Variants in SCARF2 observed in about 807,000 individuals in gnomAD.
SCARF2 encodes the protein scavenger receptor expressed by endothelial cells 2 protein.
A neutral mutation model predicts 73.4 loss-of-function variants in SCARF2; 39 were observed. The observed-to-expected ratio is 0.53, with a 90% confidence interval of 0.41 to 0.69. SCARF2 has a LOEUF of 0.69. SCARF2 is among the 30% of genes least tolerant of loss of function. The pLI, the probability that SCARF2 is intolerant of heterozygous loss-of-function variation, is 0.00. For synonymous variants in SCARF2, 605 were observed against 590.0 expected (o/e 1.03, Z -0.37); for missense variants, 1,148 against 1,303.5 (o/e 0.88, Z 1.84).
At chr22:20,432,923 G>A (rs1373942461) in intron 1 of SCARF2, among the ~76,000 whole-genome samples, 2 of 152,162 alleles carry the variant, frequency 1.3e-5, no homozygotes, top group Non-Finnish European at 2.9e-5. Context: ...TCGCCATGTT[G>A]GCCAGGCTGG....
Position 20,425,436 on chromosome 22 carries a change from G to C in SCARF2, c.2540C>G (p.Pro847Arg). The part of the protein sequence containing the change: ...PRKKTPIQKP[P>R]RKKSREAAGE... ...CGCCGCCTCCCGGCTCTTCTTGCGC[G>C]GCGGCTTCTGGATGGGGGTCTTCTT... The change falls in exon 11 of 11, where the codon CCG (proline) becomes CGG (arginine). Residue 847 changes from proline to arginine, a missense_variant. Transcript: ENST00000622235. The surrounding 1 kb of genome is among the most constrained non-coding windows in gnomAD (Gnocchi z 4.6). 2 of 1,427,316 alleles carry C rather than the reference G, an allele frequency of 1.4e-6. No individual in the cohort carries two copies. The highest frequency in any genetic ancestry group is 1.8e-6 in the Non-Finnish European group (2 of 1,088,452). The allele number at this position is 1,427,316 out of a possible 1,614,324, so 88.4% of individuals were successfully genotyped here.
At position 20,426,050 on chromosome 22, in the gene SCARF2, G is replaced by A. The variant is rs768694133; in HGVS notation, c.1926C>T (p.Gly642=). 11 of 1,573,084 alleles carry A rather than the reference G, an allele frequency of 7.0e-6. No homozygotes were observed. The South Asian group carries it at 1.1e-4, about 16-fold the overall frequency. ...RPARARGEIG[G]LSLSPSPERR... ...GCTCGGGCGATGGCGACAGCGACAG[G>A]CCCCCAATCTCGCCCCGGGCCCGGG... The change falls in exon 11 of 11, where the codon GGC becomes GGT. Residue 642 remains glycine, a synonymous_variant. Coordinates refer to ENST00000622235, the MANE Select transcript of SCARF2 (RefSeq NM_182895.5).
At position 20,429,408 on chromosome 22, in the gene SCARF2, C is replaced by A; in HGVS notation, c.1425-68G>T. ...GGCCCAGGGGCGATTAGATCTCGGCCGGAGCCAAGCACAGAAGGGGCGGGG... is the reference window on the plus strand; with the variant it reads ...GGCCCAGGGGCGATTAGATCTCGGCAGGAGCCAAGCACAGAAGGGGCGGGG... On this transcript the variant is annotated intron_variant, in intron 8 of 10. Transcript: ENST00000622235. The surrounding 1 kb of genome is among the most constrained non-coding windows in gnomAD (Gnocchi z 5.2). The A allele has an allele frequency of 1.3e-6, 2 of 1,554,858 alleles. No individual in the cohort carries two copies. The highest frequency in any genetic ancestry group is 1.9e-5 in the Admixed American group (1 of 52,822).
At chr22:20,427,136 G>A (rs2052587543) in intron 10 of SCARF2, among the ~76,000 whole-genome samples, 2 of 152,096 alleles carry the variant, frequency 1.3e-5, no homozygotes, top group African/African-American at 4.8e-5. Context: ...CCCTACCTAA[G>A]CCCAGAAACT....
At position 20,430,263 on chromosome 22, in the gene SCARF2, A is replaced by G. The variant is rs7289390; in HGVS notation, c.1202+166T>C. Among the ~76,000 whole-genome samples, 22,292 of 152,244 alleles carry G rather than the reference A, an allele frequency of 0.15. 2,459 individuals carry two copies. Among genetic ancestry groups the G allele is most frequent in the East Asian group, 0.47 (2,403 of 5,148 alleles). On this transcript the variant is annotated intron_variant, in intron 6 of 10. Transcript: ENST00000622235. ...GCTGAACGTGAGCTCCCCGACATCC[A>G]GGCAGGAAACTGCCCCCAAAGAGCC...
At chr22:20,435,836 T>C (rs1366285052) in intron 1 of SCARF2, among the ~76,000 whole-genome samples, 1 of 152,248 alleles carries the variant, frequency 6.6e-6, no homozygotes, top group South Asian at 2.1e-4. Flanking sequence ...CCACTGCAGC[T>C]TCCCTACACC....
intron 9 of SCARF2, among the ~76,000 whole-genome samples, 160 bp from the exon 10 acceptor site, chr22:20,427,710 CA>C (rs1184561166): frequency 7.2e-5 from 11 of 152,228 alleles, no homozygotes; most frequent in Non-Finnish European, 1.3e-4. Context: ...GACACTGGGC[CA>C]GGACTGGAGA....
In SCARF2 at chr22:20,425,522, C is replaced by T. The variant is rs757594169; in HGVS notation, c.2454G>A (p.Ala818=). ...PPASPARAPP[A]TETPGPEKAA... ...CCTTCTCAGGCCCCGGGGTTTCGGT[C>T]GCTGGGGGCGCGCGGGCGGGCGAGG... Residue 818 remains alanine, a synonymous_variant, in exon 11 of 11, where the codon GCG becomes GCA. Transcript: ENST00000622235. This position sits in a 1 kb window ranked among gnomAD's most constrained non-coding sequence, Gnocchi z 4.6. The T allele has an allele frequency of 2.2e-6, 3 of 1,346,296 alleles. No homozygotes were observed. The highest frequency in any genetic ancestry group is 2.9e-6 in the Non-Finnish European group (3 of 1,051,700). 83.4% of individuals were successfully genotyped at this position (1,346,296 alleles called of 1,614,324 possible).
chr22:20,430,953 C>A (rs2052638063), intron 4 of SCARF2, 45 bp from the exon 5 acceptor site: 1 of 1,565,324 alleles, frequency 6.4e-7, no homozygotes, highest in Non-Finnish European at 8.6e-7. Flanking sequence ...ACCCGCCTCA[C>A]CCCTGTCCCC....
chr22:20,429,494 C>T lies in SCARF2; in HGVS notation c.1424+42G>A. 6.2e-7 allele frequency: 1 copy of T among 1,605,982 alleles called. No homozygotes were observed. ...TGGGTCCGGTGGCACCCAGAGGGTGCGGCCTGAACCCAGGCGAAAGCGGGG... is the reference window on the plus strand; with the variant it reads ...TGGGTCCGGTGGCACCCAGAGGGTGTGGCCTGAACCCAGGCGAAAGCGGGG... On this transcript the variant is annotated intron_variant, in intron 8 of 10. Transcript: ENST00000622235. The surrounding 1 kb of genome is among the most constrained non-coding windows in gnomAD (Gnocchi z 5.2).
chr22:20,431,713 A>C (rs758046449), intron 3 of SCARF2, 32 bp downstream of exon 3: 6 of 1,054,652 alleles, frequency 5.7e-6, no homozygotes, highest in South Asian at 5.5e-5. Flanking sequence ...ATTCCGCCCC[A>C]CCGACCAATA....
chr22:20,429,291 AGC>A lies in SCARF2; in HGVS notation c.1472_1473del (p.Arg491LeufsTer30). 6.2e-7 allele frequency: 1 copy of A among 1,611,432 alleles called. No homozygotes were observed. Among genetic ancestry groups the A allele is most frequent in the South Asian group, 1.1e-5 (1 of 90,988 alleles). ...RKKAPHRLCG[R>X]FSRISMKLPR... is the part of the protein sequence containing the mutation. ...GGCAGCTTCATGCTGATGCGACTGA[AGC>A]GCCCGCATAGTCGGTGCGGCGCCTT... On this transcript the variant is annotated frameshift_variant, in exon 9 of 11. Coordinates refer to ENST00000622235, the MANE Select transcript of SCARF2 (RefSeq NM_182895.5). LOFTEE classifies it high-confidence loss of function. This position sits in a 1 kb window ranked among gnomAD's most constrained non-coding sequence, Gnocchi z 5.2.
chr22:20,430,558 C>T lies in SCARF2; in HGVS notation c.1074-1G>A. 1 of 1,612,028 alleles carries T rather than the reference C, an allele frequency of 6.2e-7. No individual in the cohort carries two copies. The highest frequency in any genetic ancestry group is 8.5e-7 in the Non-Finnish European group (1 of 1,179,376). On this transcript the variant is annotated splice_acceptor_variant, in intron 5 of 10. Coordinates refer to ENST00000622235, the MANE Select transcript of SCARF2 (RefSeq NM_182895.5). LOFTEE classifies it high-confidence loss of function. ...GCCATTGCTACACTTGGTCTCGCAC[C>T]TTGGAAAGAGGGGAGGAGGCGTCAG...
chr22:20,430,717 C>T lies in SCARF2; in HGVS notation c.1046G>A (p.Arg349His), dbSNP rs1270009103. Residue 349 changes from arginine (R) to histidine (H), a missense_variant, in exon 5 of 11, where the codon CGC becomes CAC. Coordinates refer to ENST00000622235, the MANE Select transcript of SCARF2 (RefSeq NM_182895.5). ...GTCGCCGATCCAGCCCGCGTTGCAGCGCGTACACTTGCCGGTGACATGGTT... is the reference window on the plus strand; with the variant it reads ...GTCGCCGATCCAGCCCGCGTTGCAGTGCGTACACTTGCCGGTGACATGGTT... ...ACNHVTGKCT[R>H]CNAGWIGDRC... 6 of 1,605,230 alleles carry T rather than the reference C, an allele frequency of 3.7e-6. No homozygotes were observed. Among genetic ancestry groups the T allele is most frequent in the African/African-American group, 1.3e-5 (1 of 74,796 alleles).
Position 20,430,866 on chromosome 22 carries a change from C to G in SCARF2, c.897G>C (p.Glu299Asp). Residue 299 changes from glutamate (E) to aspartate (D), a missense_variant, in exon 5 of 11, where the codon GAG (glutamate) becomes GAC (aspartate). Physicochemically the swap from Glu to Asp is conservative, Grantham distance 45. This residue lies in a region of SCARF2 where 372 missense variants were observed against 532.0 expected (regional missense o/e 0.70). Transcript: ENST00000622235. Reference sequence around the variant, plus strand: ...CGGGCTCGCACGTCAAGCAGCGGCCCTCGGCCACCGTGCACGGCTGCTGGC... The same window carrying G: ...CGGGCTCGCACGTCAAGCAGCGGCCGTCGGCCACCGTGCACGGCTGCTGGC... ...CKGQQPCTVA[E>D]GRCLTCEPGW... The G allele has an allele frequency of 1.2e-6, 2 of 1,605,420 alleles. No individual in the cohort carries two copies. The highest frequency in any genetic ancestry group is 1.7e-6 in the Non-Finnish European group (2 of 1,178,130).
Position 20,437,778 on chromosome 22 carries a change from G to C in SCARF2, c.-24C>G. 2.1e-6 allele frequency: 2 copies of C among 947,484 alleles called. No homozygotes were observed. The highest frequency in any genetic ancestry group is 1.3e-6 in the Non-Finnish European group (1 of 795,644). 58.7% of individuals were successfully genotyped at this position (947,484 alleles called of 1,614,324 possible). On this transcript the variant is annotated 5_prime_UTR_variant, in exon 1 of 11. Transcript: ENST00000622235. ...ATGAGGCGCGGGGCAGGCGCGGGGC[G>C]GGCACGGGCGCGGGTGCGGCCGCAG...
rs1289801642 is a variant in SCARF2, at chr22:20,425,574, T to C, written c.2402A>G (p.Gln801Arg). The part of the protein sequence containing the change: ...QGPREKPAPP[Q>R]KAKRSVPPAS... ...TGGCGGCACGGAGCGCTTGGCTTTC[T>C]GTGGGGGCGCCGGCTTTTCCCTGGG... The change falls in exon 11 of 11, where the codon CAG becomes CGG. Residue 801 changes from glutamine to arginine, a missense_variant. Gln to Arg is a conservative substitution (Grantham distance 43, BLOSUM62 1). Coordinates refer to ENST00000622235, the MANE Select transcript of SCARF2 (RefSeq NM_182895.5). This position sits in a 1 kb window ranked among gnomAD's most constrained non-coding sequence, Gnocchi z 4.6. 4.5e-6 allele frequency: 6 copies of C among 1,341,540 alleles called. No individual in the cohort carries two copies. Among genetic ancestry groups the C allele is most frequent in the Non-Finnish European group, 5.7e-6 (6 of 1,050,840 alleles). 83.1% of individuals were successfully genotyped at this position (1,341,540 alleles called of 1,614,324 possible).
Position 20,429,392 on chromosome 22 carries a change from G to T in SCARF2, c.1425-52C>A, listed in dbSNP as rs1245028562. The stretch of plus-strand genomic sequence containing the variant: ...GGCGGGGCCGGGGCGGGGCCCAGGG[G>T]CGATTAGATCTCGGCCGGAGCCAAG... On this transcript the variant is annotated intron_variant, in intron 8 of 10. Transcript: ENST00000622235. The surrounding 1 kb of genome is among the most constrained non-coding windows in gnomAD (Gnocchi z 5.2). The T allele has an allele frequency of 4.5e-6, 7 of 1,560,788 alleles. No homozygotes were observed. Among genetic ancestry groups the T allele is most frequent in the Non-Finnish European group, 6.1e-6 (7 of 1,153,108 alleles).
intron 1 of SCARF2, among the ~76,000 whole-genome samples, chr22:20,436,354 G>A (rs1328213016): frequency 1.3e-5 from 2 of 152,070 alleles, no homozygotes; most frequent in Non-Finnish European, 2.9e-5. Flanking sequence ...AGAGACCACG[G>A]CGATCGCGCC....
Sources: allele counts gnomAD v4.1 joint callset (sites outside exome capture counted in the v4.1 genomes callset), GRCh38; gene constraint gnomAD v4.1.1; regional missense constraint gnomAD v4.1.1; non-coding constraint Gnocchi (gnomAD v3.1); transcripts MANE v1.5; gene names NCBI Gene and HGNC (gene_info 2026-07-23, HGNC 2026-07-21).